The following KLHL32 variants were observed in gnomAD, a reference collection of about 807,000 sequenced individuals.
KLHL32 encodes kelch-like protein 32.
In KLHL32, 35 loss-of-function variants were observed where a neutral mutation model predicts 64.8. The ratio of observed to expected loss-of-function variants is 0.54; its 90% CI spans 0.41 to 0.72. The LOEUF is 0.72. Ranked by LOEUF, KLHL32 falls within the 30% of genes least tolerant of loss-of-function variation. KLHL32 has a pLI of 0.00. For synonymous variants in KLHL32, 259 were observed against 281.0 expected, an observed-to-expected ratio of 0.92 and a Z score of 0.78; for missense variants, 589 against 768.5, an observed-to-expected ratio of 0.77 and a Z score of 2.76.
intron 6 of KLHL32, among the ~76,000 whole-genome samples, chr6:97,089,489 C>A (rs1055928083): frequency 6.6e-6 from 1 of 152,156 alleles, no homozygotes; most frequent in African/African-American, 2.4e-5. Context: ...TAAGAACAGT[C>A]CTTTTCTGGG....
At chr6:97,082,076 A>C (rs1792626104) in intron 5 of KLHL32, among the ~76,000 whole-genome samples, 2 of 152,224 alleles carry the variant, frequency 1.3e-5, no homozygotes, top group Non-Finnish European at 2.9e-5. Flanking sequence ...TCTTGTGAAA[A>C]GAGAGGATTG....
chr6:96,993,503 C>T, intron 3 of KLHL32, among the ~76,000 whole-genome samples: 1 of 152,308 alleles, frequency 6.6e-6, no homozygotes, highest in Admixed American at 6.5e-5. Context: ...TAATGTCCCC[C>T]CTGCTGGCCG....
At chr6:97,129,129 T>C (rs2128220834) in intron 8 of KLHL32, among the ~76,000 whole-genome samples, 1 of 152,348 alleles carries the variant, frequency 6.6e-6, no homozygotes, top group African/African-American at 2.4e-5. Context: ...TTTCAAGCTG[T>C]ACAAATCACT....
chr6:96,983,328 G>A (rs1457751592), intron 3 of KLHL32, among the ~76,000 whole-genome samples: 1 of 72,602 alleles, frequency 1.4e-5, no homozygotes, highest in Non-Finnish European at 2.7e-5. Context: ...CAAGGATATT[G>A]GTCTAAAATT....
chr6:96,975,657 A>G (rs1775613579), intron 2 of KLHL32, among the ~76,000 whole-genome samples: 2 of 152,188 alleles, frequency 1.3e-5, no homozygotes, highest in South Asian at 4.1e-4. Context: ...TTGCACTCAG[A>G]GATGTTCACA....
chr6:96,965,455 CTTA>C (rs770726627), intron 1 of KLHL32, among the ~76,000 whole-genome samples: 1 of 152,112 alleles, frequency 6.6e-6, no homozygotes, highest in Non-Finnish European at 1.5e-5. Context: ...TCAAGTTAGA[CTTA>C]TTAGTTAGAT....
At chr6:96,924,453 G>C (rs1768886509), upstream of KLHL32, among the ~76,000 whole-genome samples, 1 of 142,040 alleles carries the variant, frequency 7.0e-6, no homozygotes, top group Admixed American at 6.9e-5. Context: ...GCGCGCGCTG[G>C]CAGCTCGCCG....
chr6:96,968,797 CCT>C (rs1249664994), intron 2 of KLHL32, among the ~76,000 whole-genome samples: 3 of 152,246 alleles, frequency 2.0e-5, no homozygotes, highest in African/African-American at 7.2e-5. Context: ...GACCCATCCT[CCT>C]CTGAGGACCA....
At chr6:96,922,502 CT>C (rs1250251686), upstream of KLHL32, among the ~76,000 whole-genome samples, 9 of 71,508 alleles carry the variant, frequency 1.3e-4, no homozygotes, top group South Asian at 5.1e-3. Context: ...AAGACTCACA[CT>C]TTAAAAAAAA....
intron 3 of KLHL32, among the ~76,000 whole-genome samples, chr6:97,024,609 C>T (rs536685394): frequency 4.6e-5 from 7 of 151,950 alleles, no homozygotes; most frequent in Admixed American, 1.3e-4. Flanking sequence ...TGAATCAATG[C>T]CAGAGAAATT....
rs1392065661 is a variant in KLHL32, at chr6:96,929,295, G to T, written c.-66+4269G>T. Among the ~76,000 whole-genome samples, 8 of 152,324 alleles carry T rather than the reference G, an allele frequency of 5.3e-5. No homozygotes were observed. In the South Asian group the frequency reaches 1.7e-3, roughly 32 times the overall value. ...CCAATATGATGATTTGCTCTTCACAGATATATTTGGCAAGTAATGGAAAAT... is the reference window on the plus strand; with the variant it reads ...CCAATATGATGATTTGCTCTTCACATATATATTTGGCAAGTAATGGAAAAT... On this transcript the variant is annotated intron_variant, in intron 1 of 10. Transcript: ENST00000369261.
chr6:97,024,632 GTCAT>G (rs1407860118), intron 3 of KLHL32, among the ~76,000 whole-genome samples: 2 of 152,068 alleles, frequency 1.3e-5, no homozygotes, highest in Non-Finnish European at 2.9e-5. Context: ...TAACATTTCA[GTCAT>G]TCATTTAATT....
intron 5 of KLHL32, among the ~76,000 whole-genome samples, chr6:97,079,233 G>A (rs572157642): frequency 2.0e-5 from 3 of 152,206 alleles, no homozygotes; most frequent in East Asian, 3.9e-4. Context: ...GAGATATTGA[G>A]AGACACCGCA....
chr6:96,909,934 T>TACTTTGC, the KLHL32 span, among the ~76,000 whole-genome samples: 1 of 152,344 alleles, frequency 6.6e-6, no homozygotes, highest in South Asian at 2.1e-4. Context: ...AAGAACTTTG[T>TACTTTGC]ACTTTGCACT....
chr6:97,131,533 G>T (rs1000575633), intron 9 of KLHL32, among the ~76,000 whole-genome samples: 3 of 152,172 alleles, frequency 2.0e-5, no homozygotes, highest in African/African-American at 7.2e-5. Context: ...AAAAAAGGAT[G>T]AAAGTAACAC....
chr6:96,973,271 T>C (rs1315077538), intron 2 of KLHL32, among the ~76,000 whole-genome samples: 1 of 152,174 alleles, frequency 6.6e-6, no homozygotes, highest in Non-Finnish European at 1.5e-5. Flanking sequence ...CTGTTTCTGG[T>C]AAGATTTATT....
At chr6:97,071,480 C>G (rs1009740709) in intron 5 of KLHL32, among the ~76,000 whole-genome samples, 1 of 152,130 alleles carries the variant, frequency 6.6e-6, no homozygotes, top group Non-Finnish European at 1.5e-5. Flanking sequence ...CCCTTCTGCT[C>G]ACTATCACTC....
In KLHL32 at chr6:97,121,854, G is replaced by A. The variant is rs112204375; in HGVS notation, c.1355-5550G>A. 7.7e-3 allele frequency among the ~76,000 whole-genome samples: 1,180 copies of A among 152,298 alleles called. 14 individuals carry two copies. The highest frequency in any genetic ancestry group is 0.027 in the African/African-American group (1,123 of 41,574). On this transcript the variant is annotated intron_variant, in intron 7 of 10. Transcript: ENST00000369261. The stretch of plus-strand genomic sequence containing the variant: ...AGAAGATGGTTAAAGCTACGCCATA[G>A]AAATAGGGAATGGCTGAAGAACTTA...
chr6:97,052,823 ATTAACC>A (rs1787153639), intron 4 of KLHL32, among the ~76,000 whole-genome samples: 1 of 152,212 alleles, frequency 6.6e-6, no homozygotes, highest in Admixed American at 6.5e-5. Context: ...TAATCTCTTT[ATTAACC>A]TTCACTTTTT....
Sources: gnomAD v4.1 joint callset for allele counts (sites outside exome capture counted in the v4.1 genomes callset) on GRCh38, gnomAD v4.1.1 for gene constraint, MANE v1.5 for transcripts, NCBI Gene and HGNC (gene_info 2026-07-23, HGNC 2026-07-21) for gene names.